The following SAMD12 variants were observed in gnomAD, a reference collection of about 807,000 sequenced individuals.
SAMD12 encodes sterile alpha motif domain containing 12.
SAMD12 carries 9 observed loss-of-function variants against 15.0 expected under a neutral mutation model. The observed-to-expected ratio is 0.60, with a 90% CI of 0.36 to 1.05. The LOEUF (loss-of-function observed/expected upper bound fraction) is 1.05. Ranked by LOEUF, SAMD12 falls within the 50% of genes least tolerant of loss-of-function variation. SAMD12 has a pLI of 0.01. For missense variants in SAMD12, 230 were observed against 234.2 expected, an observed-to-expected ratio of 0.98 and a Z score of 0.12; for synonymous variants, 86 against 90.1, an observed-to-expected ratio of 0.96 and a Z score of 0.25.
chr8:118,140,630 A>G, the SAMD12 span, among the ~76,000 whole-genome samples: 1 of 152,136 alleles, frequency 6.6e-6, no homozygotes, highest in East Asian at 1.9e-4. Flanking sequence ...GTAAGAGACA[A>G]TGACTCTTAT....
intron 1 of SAMD12, among the ~76,000 whole-genome samples, chr8:118,595,446 G>A (rs1164446270): frequency 6.6e-6 from 1 of 152,174 alleles, no homozygotes; most frequent in Non-Finnish European, 1.5e-5. Flanking sequence ...CTTCCAGTCA[G>A]TTCTCAATAT....
exon 5 of SAMD12, chr8:118,196,163 TG>T (rs1819556096): frequency 6.6e-6 from 1 of 152,244 alleles, no homozygotes; most frequent in African/African-American, 2.4e-5. Context: ...TGGTTTCCAA[TG>T]GGCTGTGTAT....
chr8:118,479,207 C>A (rs1026110653), intron 2 of SAMD12, among the ~76,000 whole-genome samples: 1 of 152,164 alleles, frequency 6.6e-6, no homozygotes, highest in Non-Finnish European at 1.5e-5. Context: ...CCTCTCTGCC[C>A]TTTCTGTGAC....
downstream of SAMD12, among the ~76,000 whole-genome samples, chr8:118,376,527 C>T (rs2130700321): frequency 6.6e-6 from 1 of 152,240 alleles, no homozygotes; most frequent in African/African-American, 2.4e-5. Context: ...GACTTCTCAG[C>T]CTCCAGAATT....
At position 118,612,466 on chromosome 8, in the gene SAMD12, T is replaced by G. The variant is rs144957410; in HGVS notation, c.13+9338A>C. On this transcript the variant is annotated intron_variant, in intron 1 of 3. Coordinates refer to ENST00000314727, the MANE Select transcript of SAMD12 (RefSeq NM_207506.3). The stretch of plus-strand genomic sequence containing the variant: ...CTACCATAGTAATACTGCCCAATCT[T>G]GTAGCTGCATAGCTCAAGAAACTCA... 1.4e-4 allele frequency among the ~76,000 whole-genome samples: 21 copies of G among 152,352 alleles called. 1 individual carries two copies. In the South Asian group the frequency reaches 1.5e-3, roughly 11 times the overall value.
chr8:118,618,748 A>T (rs1182225320), intron 1 of SAMD12, among the ~76,000 whole-genome samples: 1 of 151,970 alleles, frequency 6.6e-6, no homozygotes, highest in Non-Finnish European at 1.5e-5. Flanking sequence ...CTGAGGCAGG[A>T]AAATGGCGTG....
At chr8:118,543,568 AAC>A (rs940513435) in intron 2 of SAMD12, among the ~76,000 whole-genome samples, 32 of 152,116 alleles carry the variant, frequency 2.1e-4, no homozygotes, top group Admixed American at 1.8e-3. Context: ...AATGTGGCCT[AAC>A]ACAAATTCAT....
intron 2 of SAMD12, among the ~76,000 whole-genome samples, chr8:118,453,902 T>G (rs1823159296): frequency 6.6e-6 from 1 of 152,152 alleles, no homozygotes; most frequent in South Asian, 2.1e-4. Flanking sequence ...ATATTATCTA[T>G]TTACCAAATT....
rs201978279 is a variant in SAMD12, at chr8:118,197,660, G to A, written c.*50C>T. 6.0e-5 allele frequency: 90 copies of A among 1,504,930 alleles called. No individual in the cohort carries two copies. The East Asian group carries it at 1.8e-3, about 31-fold the overall frequency. The allele number at this position is 1,504,930 out of a possible 1,614,324, so 93.2% of individuals were successfully genotyped here. Reference sequence around the variant, plus strand: ...GGGTTAGTCTTTCTGTGAGGAACAGGCCATGTTCATATCAACTGGCAGGAC... The same window carrying A: ...GGGTTAGTCTTTCTGTGAGGAACAGACCATGTTCATATCAACTGGCAGGAC... On this transcript the variant is annotated 3_prime_UTR_variant, in exon 5 of 5. Coordinates refer to the SAMD12 transcript ENST00000409003.
chr8:118,330,646 A>G (rs1277725102), intron 4 of SAMD12, among the ~76,000 whole-genome samples: 1 of 152,264 alleles, frequency 6.6e-6, no homozygotes, highest in African/African-American at 2.4e-5. Context: ...TAATGAGGCA[A>G]CAGATTGAGA....
chr8:118,543,604 A>AT (rs146363162), intron 2 of SAMD12, among the ~76,000 whole-genome samples: 23,759 of 140,056 alleles, frequency 0.17, 3,265 homozygotes, highest in African/African-American at 0.38. Context: ...ACATTATGAG[A>AT]TTTTTTTTTC....
At chr8:118,614,136 A>C (rs1828175790) in intron 1 of SAMD12, among the ~76,000 whole-genome samples, 1 of 152,190 alleles carries the variant, frequency 6.6e-6, no homozygotes, top group Non-Finnish European at 1.5e-5. Context: ...AAATGCTATA[A>C]AAATGTCTTA....
At chr8:118,270,467 C>T (rs888192142) in intron 4 of SAMD12, among the ~76,000 whole-genome samples, 1 of 152,152 alleles carries the variant, frequency 6.6e-6, no homozygotes, top group Non-Finnish European at 1.5e-5. Flanking sequence ...CATCCCGTTT[C>T]TTTTCTCCTA....
At chr8:118,191,795 TATATATATATATATATAG>T (rs1400248496) in exon 5 of SAMD12, 19 of 49,770 alleles carry the variant, frequency 3.8e-4, no homozygotes, top group African/African-American at 8.0e-4. Flanking sequence ...TATATATATA[TATATATATATATATATAG>T]AGAGAGAGAG....
intron 1 of SAMD12, among the ~76,000 whole-genome samples, chr8:118,616,431 AC>A (rs1293804310): frequency 6.6e-6 from 1 of 152,248 alleles, no homozygotes; most frequent in Non-Finnish European, 1.5e-5. Context: ...GATGTTCCCA[AC>A]AAGAAAAGGT....
chr8:118,516,702 G>GA lies in SAMD12; in HGVS notation c.192+64012dup, dbSNP rs544603439. ...CAGGCTGGATGGAGTGCAGTGGTGC[G>GA]ATCTTGGCTCACTGCAACCTCCGCC... On this transcript the variant is annotated intron_variant, in intron 2 of 3. Transcript: ENST00000314727. 1.4e-3 allele frequency among the ~76,000 whole-genome samples: 207 copies of GA among 150,662 alleles called. 2 individuals carry two copies. The highest frequency in any genetic ancestry group is 8.0e-4 in the Non-Finnish European group (54 of 67,722).
At chr8:118,560,904 A>AAC (rs1405606134) in intron 2 of SAMD12, among the ~76,000 whole-genome samples, 8 of 152,220 alleles carry the variant, frequency 5.3e-5, no homozygotes, top group Non-Finnish European at 1.5e-5. Flanking sequence ...TTAATGAGCA[A>AAC]ACAGTCAAAA....
At chr8:118,573,958 A>G (rs185725805) in intron 2 of SAMD12, among the ~76,000 whole-genome samples, 141 of 152,352 alleles carry the variant, frequency 9.3e-4, no homozygotes, top group African/African-American at 3.2e-3. Flanking sequence ...AATTCTGTGG[A>G]GAGACAGAAA....
intron 2 of SAMD12, among the ~76,000 whole-genome samples, chr8:118,548,412 CA>C (rs1563576321): frequency 4.4e-4 from 67 of 151,540 alleles, no homozygotes; most frequent in South Asian, 1.7e-3. Context: ...CACACACACA[CA>C]CACACACACA....
Sources: gnomAD v4.1 joint callset for allele counts (sites outside exome capture counted in the v4.1 genomes callset) on GRCh38, gnomAD v4.1.1 for gene constraint, MANE v1.5 for transcripts, NCBI Gene and HGNC (gene_info 2026-07-23, HGNC 2026-07-21) for gene names.